THSD4: variants seen among roughly 807,000 people sequenced by gnomAD.
THSD4 encodes thrombospondin type-1 domain-containing protein 4.
THSD4 carries 69 observed loss-of-function variants against 119.0 expected under a neutral mutation model. The observed-to-expected ratio is 0.58, with a 90% CI of 0.48 to 0.71. The LOEUF is 0.71. THSD4 is among the 30% of genes least tolerant of loss of function. The pLI, the probability that THSD4 is intolerant of heterozygous loss-of-function variation, is 0.00. For missense variants in THSD4, 1,393 were observed against 1,391.1 expected, an observed-to-expected ratio of 1.00 and a Z score of -0.02; for synonymous variants, 524 against 540.4, an observed-to-expected ratio of 0.97 and a Z score of 0.42.
At chr15:71,375,912 T>A (rs921586566) in intron 6 of THSD4, among the ~76,000 whole-genome samples, 12 of 152,286 alleles carry the variant, frequency 7.9e-5, no homozygotes, top group African/African-American at 2.4e-4. Flanking sequence ...AACTTCAAAG[T>A]TTGAGAACAA....
rs12594531 is a variant in THSD4, at chr15:71,782,166, A to C, written c.*4792A>C. 52,433 of 151,902 alleles carry C rather than the reference A, an allele frequency of 0.35. 9,521 individuals carry two copies. The highest frequency in any genetic ancestry group is 0.65 in the East Asian group (3,326 of 5,140). The allele number at this position is 151,902 out of a possible 1,614,324, so 9.4% of individuals were successfully genotyped here. On this transcript the variant is annotated 3_prime_UTR_variant, in exon 18 of 18. Coordinates refer to ENST00000261862, the MANE Select transcript of THSD4 (RefSeq NM_024817.3). ...CATCACTCTTTCTCAGCTCGACTGGAGTTTCTGCACCTTTGCAGGGGCAAA... is the reference window on the plus strand; with the variant it reads ...CATCACTCTTTCTCAGCTCGACTGGCGTTTCTGCACCTTTGCAGGGGCAAA...
In THSD4 at chr15:71,778,469, C is replaced by A. The variant is rs541121922; in HGVS notation, c.*1095C>A. ...AGGGTCCTTATGGCCGTGGAGCCTT[C>A]CCGACCACAGAGCCAACTTGTGAAG... On this transcript the variant is annotated 3_prime_UTR_variant, in exon 18 of 18. Coordinates refer to ENST00000261862, the MANE Select transcript of THSD4 (RefSeq NM_024817.3). 2.6e-5 allele frequency: 4 copies of A among 152,550 alleles called. No homozygotes were observed. The East Asian group carries it at 7.7e-4, about 29-fold the overall frequency. 9.4% of individuals were successfully genotyped at this position (152,550 alleles called of 1,614,324 possible). A position where few individuals can be genotyped will look rare whatever the true frequency, so the allele number is the denominator to read the frequency against.
intron 7 of THSD4, among the ~76,000 whole-genome samples, chr15:71,584,544 TA>T (rs1567048076): frequency 6.6e-6 from 1 of 151,920 alleles, no homozygotes; most frequent in East Asian, 1.9e-4. Flanking sequence ...GCTGGAATTA[TA>T]GACATGAGCC....
intron 8 of THSD4, among the ~76,000 whole-genome samples, chr15:71,673,300 T>C (rs1484383703): frequency 6.6e-6 from 1 of 152,236 alleles, no homozygotes; most frequent in East Asian, 1.9e-4. Context: ...TATTCTCTGA[T>C]GGTAGTTTGT....
intron 7 of THSD4, among the ~76,000 whole-genome samples, chr15:71,608,636 G>C (rs185687175): frequency 2.4e-3 from 360 of 152,138 alleles, no homozygotes; most frequent in Non-Finnish European, 3.9e-3. Context: ...TCCATTATTG[G>C]AGTGACTGGG....
At chr15:71,296,012 A>T (rs1341391019) in intron 6 of THSD4, among the ~76,000 whole-genome samples, 1 of 152,202 alleles carries the variant, frequency 6.6e-6, no homozygotes, top group African/African-American at 2.4e-5. Context: ...TCTATTGCTC[A>T]ATAATATGGC....
At chr15:71,203,525 G>A (rs2043819958) in intron 3 of THSD4, among the ~76,000 whole-genome samples, 1 of 152,114 alleles carries the variant, frequency 6.6e-6, no homozygotes, top group African/African-American at 2.4e-5. Context: ...TGGGCATGAT[G>A]GTGTGTGCCT....
At chr15:71,757,534 G>A (rs5028910) in intron 14 of THSD4, among the ~76,000 whole-genome samples, 92 of 109,468 alleles carry the variant, frequency 8.4e-4, no homozygotes, top group South Asian at 1.5e-3. Flanking sequence ...GGGCTCAAGC[G>A]ATCCTCCCAC....
chr15:71,630,121 T>C (rs1457713459), intron 7 of THSD4, among the ~76,000 whole-genome samples: 3 of 152,196 alleles, frequency 2.0e-5, no homozygotes, highest in Non-Finnish European at 4.4e-5. Flanking sequence ...GCTATCTAAC[T>C]ACACTCTAAA....
At chr15:71,341,309 C>A (rs769380018) in intron 6 of THSD4, 7 of 1,601,720 alleles carry the variant, frequency 4.4e-6, no homozygotes, top group Non-Finnish European at 5.9e-6. Context: ...TGGGTTAATC[C>A]GACCATGAGC....
At chr15:71,552,729 C>T (rs1236002151) in intron 7 of THSD4, among the ~76,000 whole-genome samples, 5 of 152,216 alleles carry the variant, frequency 3.3e-5, no homozygotes, top group Non-Finnish European at 5.9e-5. Flanking sequence ...TCACTGAAAC[C>T]TCTGCCTCCC....
chr15:71,264,075 A>G (rs2044435757), intron 6 of THSD4, among the ~76,000 whole-genome samples: 1 of 152,242 alleles, frequency 6.6e-6, no homozygotes, highest in African/African-American at 2.4e-5. Context: ...AGTCTGCCCC[A>G]ACACAGACGC....
intron 7 of THSD4, among the ~76,000 whole-genome samples, chr15:71,592,071 G>A (rs567641303): frequency 1.8e-4 from 27 of 152,330 alleles, no homozygotes; most frequent in Middle Eastern, 3.4e-3. Flanking sequence ...TGGCTAGCAT[G>A]TGATGTAGCC....
At chr15:71,469,491 G>A (rs778855851) in intron 7 of THSD4, among the ~76,000 whole-genome samples, 63 of 152,154 alleles carry the variant, frequency 4.1e-4, no homozygotes, top group African/African-American at 1.1e-3. Flanking sequence ...ACAGTCCCAC[G>A]GACACTTGCT....
intron 11 of THSD4, among the ~76,000 whole-genome samples, chr15:71,743,781 A>C (rs753053075): frequency 5.3e-5 from 8 of 152,248 alleles, no homozygotes; most frequent in Non-Finnish European, 1.2e-4. Flanking sequence ...TCAGTGTGTC[A>C]TACAAGATGA....
intron 7 of THSD4, among the ~76,000 whole-genome samples, chr15:71,585,381 C>G (rs776563478): frequency 6.6e-6 from 1 of 152,174 alleles, no homozygotes; most frequent in Non-Finnish European, 1.5e-5. Context: ...TTGTTCCTTT[C>G]GGCACTCTGA....
intron 8 of THSD4, among the ~76,000 whole-genome samples, chr15:71,680,916 ATTT>A (rs771191395): frequency 1.1e-4 from 15 of 135,494 alleles, no homozygotes; most frequent in African/African-American, 3.1e-4. Context: ...ATTACTAGTA[ATTT>A]TTTTTTTTTT....
chr15:71,593,956 G>A, intron 7 of THSD4, among the ~76,000 whole-genome samples: 1 of 148,724 alleles, frequency 6.7e-6, no homozygotes, highest in Admixed American at 6.8e-5. Flanking sequence ...ATTAGTGACT[G>A]TTTGAAATCA....
At chr15:71,562,498 G>T (rs559394598) in intron 7 of THSD4, among the ~76,000 whole-genome samples, 1 of 152,062 alleles carries the variant, frequency 6.6e-6, no homozygotes, top group Admixed American at 6.6e-5. Flanking sequence ...AAAGTGGTTC[G>T]CATATATGCC....
Sources: allele counts gnomAD v4.1 joint callset (sites outside exome capture counted in the v4.1 genomes callset), GRCh38; gene constraint gnomAD v4.1.1; transcripts MANE v1.5; gene names NCBI Gene and HGNC (gene_info 2026-07-23, HGNC 2026-07-21).